GABRB3: variants seen among roughly 807,000 people sequenced by gnomAD.
GABRB3 encodes the protein gamma-aminobutyric acid type A receptor subunit beta3, also known as gamma-aminobutyric acid receptor subunit beta-3.
GABRB3 carries 14 observed loss-of-function variants against 52.1 expected under a neutral mutation model. The ratio of observed to expected loss-of-function variants is 0.27; its 90% CI spans 0.18 to 0.42. The LOEUF is 0.42. Among genes scored for constraint, GABRB3 ranks in the 10% least tolerant of loss-of-function variants. The pLI is 1.00. For missense variants in GABRB3, 307 were observed against 609.1 expected (o/e 0.50, Z 5.22); for synonymous variants, 260 against 232.3 (o/e 1.12, Z -1.08).
chr15:26,593,301 A>C (rs28704804), intron 4 of GABRB3, among the ~76,000 whole-genome samples: 1 of 152,226 alleles, frequency 6.6e-6, no homozygotes, highest in Admixed American at 6.5e-5. Context: ...AATCAAAAAA[A>C]TTTTAATTAA....
At chr15:26,560,776 C>A (rs1226865022) in intron 8 of GABRB3, among the ~76,000 whole-genome samples, 156 bp downstream of exon 8, 2 of 152,176 alleles carry the variant, frequency 1.3e-5, no homozygotes, top group African/African-American at 4.8e-5. Context: ...TAAAAAACAC[C>A]TGGGTGCCAT....
At chr15:26,585,854 G>A (rs752112562) in intron 4 of GABRB3, among the ~76,000 whole-genome samples, 18 of 152,162 alleles carry the variant, frequency 1.2e-4, no homozygotes, top group Non-Finnish European at 1.9e-4. Flanking sequence ...TCTGGCATGT[G>A]TTATGGCAGA....
chr15:26,676,431 G>A (rs908986724), intron 3 of GABRB3, among the ~76,000 whole-genome samples: 9 of 152,048 alleles, frequency 5.9e-5, no homozygotes, highest in African/African-American at 1.2e-4. Flanking sequence ...AACAGAACCC[G>A]GTAGGACTAA....
intron 8 of GABRB3, among the ~76,000 whole-genome samples, chr15:26,554,037 T>TATATATATATATATATATATATATATA (rs59100810): frequency 0.015 from 890 of 58,180 alleles, 163 homozygotes; most frequent in Non-Finnish European, 0.018. Flanking sequence ...ATATATATAT[T>TATATATATATATATATATATATATATA]TATTTATTTA....
At chr15:26,664,051 A>G (rs551394436) in intron 3 of GABRB3, among the ~76,000 whole-genome samples, 1 of 152,134 alleles carries the variant, frequency 6.6e-6, no homozygotes, top group Non-Finnish European at 1.5e-5. Context: ...AATTTCCTCT[A>G]CATTTTTTTA....
intron 3 of GABRB3, chr15:26,657,244 T>C (rs994573074): frequency 6.6e-6 from 1 of 152,234 alleles, no homozygotes; most frequent in Non-Finnish European, 1.5e-5. Context: ...TAATGGAATA[T>C]TCTTCACCTT....
At chr15:26,710,843 T>C (rs1278696802) in intron 3 of GABRB3, among the ~76,000 whole-genome samples, 1 of 152,120 alleles carries the variant, frequency 6.6e-6, no homozygotes, top group African/African-American at 2.4e-5. Context: ...TTTAAAAATA[T>C]TTTCTCCCAG....
At chr15:26,697,303 C>T (rs1328322215) in intron 3 of GABRB3, among the ~76,000 whole-genome samples, 1 of 152,136 alleles carries the variant, frequency 6.6e-6, no homozygotes, top group African/African-American at 2.4e-5. Flanking sequence ...CTTTGAATGC[C>T]TTGGAAATAA....
At chr15:26,691,464 A>C (rs1049447163) in intron 3 of GABRB3, among the ~76,000 whole-genome samples, 2 of 152,144 alleles carry the variant, frequency 1.3e-5, no homozygotes, top group Admixed American at 1.3e-4. Flanking sequence ...CATTCATTAC[A>C]TCCACTCTGC....
intron 4 of GABRB3, among the ~76,000 whole-genome samples, chr15:26,598,200 T>C (rs1891464311): frequency 6.7e-6 from 1 of 148,454 alleles, no homozygotes; most frequent in Admixed American, 6.7e-5. Flanking sequence ...TATGACTAGA[T>C]CACAAGTTTT....
rs149488533 is a variant in GABRB3, at chr15:26,698,337, A to G, written c.240+74065T>C. Among the ~76,000 whole-genome samples, 431 of 152,262 alleles carry G rather than the reference A, an allele frequency of 2.8e-3. 2 individuals are homozygous for G. Among genetic ancestry groups the G allele is most frequent in the African/African-American group, 9.3e-3 (385 of 41,568 alleles). On this transcript the variant is annotated intron_variant, in intron 3 of 8. Transcript: ENST00000311550. ...TAAAATATTGCCAAAAGATGTATTT[A>G]CTCTTTATTACATATTCTTCCATTT... is the stretch of plus-strand genomic sequence containing the variant.
At position 26,743,193 on chromosome 15, in the gene GABRB3, G is replaced by A. The variant is rs189639307; in HGVS notation, c.240+29209C>T. Among the ~76,000 whole-genome samples, 592 of 152,256 alleles carry A rather than the reference G, an allele frequency of 3.9e-3. 1 individual carries two copies. The highest frequency in any genetic ancestry group is 5.9e-3 in the African/African-American group (246 of 41,552). ...TCCACCTGCCTCGGCCTCCCAAAGCGCTGGGATTACAGGTGTGAGCCACCG... is the reference window on the plus strand; with the variant it reads ...TCCACCTGCCTCGGCCTCCCAAAGCACTGGGATTACAGGTGTGAGCCACCG... On this transcript the variant is annotated intron_variant, in intron 3 of 8. Transcript: ENST00000311550.
At chr15:26,700,443 C>T (rs1286770682) in intron 3 of GABRB3, among the ~76,000 whole-genome samples, 1 of 152,144 alleles carries the variant, frequency 6.6e-6, no homozygotes, top group Non-Finnish European at 1.5e-5. Flanking sequence ...AGAATACTGA[C>T]AAGTAGAGAA....
At chr15:26,604,744 G>A (rs544137955) in intron 4 of GABRB3, among the ~76,000 whole-genome samples, 21 of 151,952 alleles carry the variant, frequency 1.4e-4, no homozygotes, top group South Asian at 1.2e-3. Context: ...CCCCTATCTC[G>A]CACCTTATAT....
At chr15:26,569,005 T>C (rs374903866) in intron 6 of GABRB3, among the ~76,000 whole-genome samples, 3 of 152,114 alleles carry the variant, frequency 2.0e-5, no homozygotes, top group African/African-American at 7.2e-5. Flanking sequence ...CACTAGCAGG[T>C]GCCTTCTTTC....
intron 3 of GABRB3, among the ~76,000 whole-genome samples, chr15:26,629,384 C>T (rs951860690): frequency 6.6e-6 from 1 of 152,218 alleles, no homozygotes; most frequent in African/African-American, 2.4e-5. Flanking sequence ...GAACCTCGCC[C>T]TGGGAGGGTG....
intron 4 of GABRB3, chr15:26,615,878 C>A (rs1033703580): frequency 1.6e-6 from 2 of 1,251,730 alleles, no homozygotes; most frequent in Non-Finnish European, 2.1e-6. Context: ...GCCAGTCCAA[C>A]CAGTATTTCA....
intron 3 of GABRB3, among the ~76,000 whole-genome samples, chr15:26,626,467 T>C (rs919599266): frequency 1.3e-5 from 2 of 152,202 alleles, no homozygotes; most frequent in Non-Finnish European, 2.9e-5. Flanking sequence ...GTCAAATGAT[T>C]GATGTGCAAA....
Position 26,656,078 on chromosome 15 carries a change from C to A in GABRB3, c.241-34544G>T, listed in dbSNP as rs528861930. 1.1e-3 allele frequency among the ~76,000 whole-genome samples: 171 copies of A among 152,268 alleles called. 1 individual carries two copies. The highest frequency in any genetic ancestry group is 2.1e-3 in the Non-Finnish European group (145 of 68,022). ...CTTTGGGATGTGCACGTTTTAACAG[C>A]CGTCAGATACAGATGCATATTTTCA... On this transcript the variant is annotated intron_variant, in intron 3 of 8. Transcript: ENST00000311550.
Sources: gnomAD v4.1 joint callset for allele counts (sites outside exome capture counted in the v4.1 genomes callset) on GRCh38, gnomAD v4.1.1 for gene constraint, MANE v1.5 for transcripts, NCBI Gene and HGNC (gene_info 2026-07-23, HGNC 2026-07-21) for gene names.